SNX18: variants seen among roughly 807,000 people sequenced by gnomAD.
SNX18 encodes the protein sorting nexin-18.
In SNX18, 35 loss-of-function variants were observed where a neutral mutation model predicts 48.7. The ratio of observed to expected loss-of-function variants is 0.72; its 90% CI spans 0.55 to 0.95. The LOEUF (loss-of-function observed/expected upper bound fraction) is 0.95, where lower values mean the gene tolerates loss of function less well. Among genes scored for constraint, SNX18 ranks in the 40% least tolerant of loss-of-function variants. SNX18 has a pLI of 0.00. For missense variants in SNX18, 824 were observed against 871.0 expected (o/e 0.95, Z 0.68); for synonymous variants, 492 against 384.7 (o/e 1.28, Z -3.26).
At position 54,525,108 on chromosome 5, in the gene SNX18, A is replaced by G. The variant is rs1166884785; in HGVS notation, c.1621+5535A>G. On this transcript the variant is annotated intron_variant, in intron 1 of 1. Transcript: ENST00000381410. ...GGCATGGAGGAGTTTTGGACAAGCTATTTTAACCTGCGTAACGCTCACTTA... is the reference window on the plus strand; with the variant it reads ...GGCATGGAGGAGTTTTGGACAAGCTGTTTTAACCTGCGTAACGCTCACTTA... 3.9e-5 allele frequency among the ~76,000 whole-genome samples: 6 copies of G among 152,334 alleles called. No homozygotes were observed. The East Asian group carries it at 9.6e-4, about 24-fold the overall frequency.
At chr5:54,594,896 G>A in the SNX18 span, among the ~76,000 whole-genome samples, 7 of 152,008 alleles carry the variant, frequency 4.6e-5, no homozygotes, top group Non-Finnish European at 1.0e-4. Context: ...CCAATGTTTA[G>A]CTCCGTCTTA....
the SNX18 span, among the ~76,000 whole-genome samples, chr5:54,586,809 A>C: frequency 6.6e-6 from 1 of 152,192 alleles, no homozygotes; most frequent in African/African-American, 2.4e-5. Context: ...CTATGAAGCC[A>C]GCAGCAAAGT....
chr5:54,528,390 A>G (rs1228492099), intron 1 of SNX18, among the ~76,000 whole-genome samples: 4 of 152,180 alleles, frequency 2.6e-5, no homozygotes, highest in Non-Finnish European at 5.9e-5. Flanking sequence ...TAAAAGGTAG[A>G]TTTAACTTAG....
At chr5:54,639,809 GC>G in the SNX18 span, among the ~76,000 whole-genome samples, 34,486 of 152,108 alleles carry the variant, frequency 0.23, 4,193 homozygotes, top group East Asian at 0.31. Context: ...TTCTGAAGGG[GC>G]CTCCTGGGGT....
the SNX18 span, among the ~76,000 whole-genome samples, chr5:54,568,013 C>T: frequency 6.6e-6 from 1 of 152,218 alleles, no homozygotes; most frequent in African/African-American, 2.4e-5. Context: ...GCACTACTTG[C>T]TTCTAAAATT....
At chr5:54,530,744 ATTTTTTT>A (rs70986692) in intron 1 of SNX18, among the ~76,000 whole-genome samples, 10 of 72,520 alleles carry the variant, frequency 1.4e-4, no homozygotes, top group Admixed American at 2.1e-4. Flanking sequence ...AACCACAGAA[ATTTTTTT>A]TTTTTTTTTT....
At chr5:54,566,335 G>A in the SNX18 span, among the ~76,000 whole-genome samples, 1 of 152,176 alleles carries the variant, frequency 6.6e-6, no homozygotes, top group Non-Finnish European at 1.5e-5. Flanking sequence ...AACAAGAAAG[G>A]TAGGTTATTA....
chr5:54,554,674 T>C, the SNX18 span, among the ~76,000 whole-genome samples: 1 of 152,252 alleles, frequency 6.6e-6, no homozygotes, highest in Non-Finnish European at 1.5e-5. Context: ...TGTGTGTATG[T>C]GTTAAAAGCA....
chr5:54,636,146 A>T, the SNX18 span, among the ~76,000 whole-genome samples: 1 of 151,894 alleles, frequency 6.6e-6, no homozygotes, highest in African/African-American at 2.4e-5. Flanking sequence ...GAGATGCTAG[A>T]CTCTAGCCTT....
the SNX18 span, among the ~76,000 whole-genome samples, chr5:54,624,266 A>T: frequency 1.3e-5 from 2 of 152,152 alleles, no homozygotes; most frequent in African/African-American, 4.8e-5. Flanking sequence ...CATGATGTTG[A>T]ATTCTCCTGG....
the SNX18 span, among the ~76,000 whole-genome samples, chr5:54,601,327 TTATC>T: frequency 6.6e-5 from 10 of 152,354 alleles, no homozygotes; most frequent in East Asian, 1.2e-3. Flanking sequence ...ATCTAACCAT[TTATC>T]TATGCATTCA....
chr5:54,624,053 T>C, the SNX18 span, among the ~76,000 whole-genome samples: 3 of 152,220 alleles, frequency 2.0e-5, no homozygotes, highest in African/African-American at 7.2e-5. Context: ...ATTACAGCTA[T>C]CCAGTAGCGC....
At chr5:54,524,640 C>T (rs1762095000) in intron 1 of SNX18, among the ~76,000 whole-genome samples, 1 of 152,134 alleles carries the variant, frequency 6.6e-6, no homozygotes, top group Non-Finnish European at 1.5e-5. Flanking sequence ...ATTTAATTTG[C>T]CATATATTTT....
At chr5:54,612,751 C>T in the SNX18 span, among the ~76,000 whole-genome samples, 1 of 152,170 alleles carries the variant, frequency 6.6e-6, no homozygotes, top group Non-Finnish European at 1.5e-5. Context: ...GAGCCATGTT[C>T]CTAGCTGGTC....
At chr5:54,609,225 A>C in the SNX18 span, among the ~76,000 whole-genome samples, 1 of 152,186 alleles carries the variant, frequency 6.6e-6, no homozygotes, top group Non-Finnish European at 1.5e-5. Context: ...CGAGGAGCTG[A>C]ATTTTTAATT....
At chr5:54,528,746 A>C (rs1009347918) in intron 1 of SNX18, among the ~76,000 whole-genome samples, 15 of 152,322 alleles carry the variant, frequency 9.8e-5, no homozygotes, top group African/African-American at 3.6e-4. Flanking sequence ...AGGAAGGTTC[A>C]GAGGTGGCTT....
intron 1 of SNX18, among the ~76,000 whole-genome samples, chr5:54,531,001 T>A (rs1291594539): frequency 1.3e-5 from 2 of 151,886 alleles, no homozygotes; most frequent in Non-Finnish European, 2.9e-5. Flanking sequence ...GATCTACCCG[T>A]CTCGGCCTCC....
chr5:54,614,216 T>C, the SNX18 span, among the ~76,000 whole-genome samples: 25 of 152,142 alleles, frequency 1.6e-4, no homozygotes, highest in Middle Eastern at 3.2e-3. Flanking sequence ...AGAAAAAACT[T>C]TGGAGCTGGA....
chr5:54,640,532 T>A, the SNX18 span, among the ~76,000 whole-genome samples: 1 of 152,090 alleles, frequency 6.6e-6, no homozygotes, highest in Non-Finnish European at 1.5e-5. Flanking sequence ...CAGAGTAGGG[T>A]CTCATCTTAC....
Sources: allele counts gnomAD v4.1 joint callset (sites outside exome capture counted in the v4.1 genomes callset), GRCh38; gene constraint gnomAD v4.1.1; transcripts MANE v1.5; gene names NCBI Gene and HGNC (gene_info 2026-07-23, HGNC 2026-07-21).